The following DNAJC4 variants were observed in gnomAD, a reference collection of about 807,000 sequenced individuals.
The protein encoded by DNAJC4 is DnaJ heat shock protein family (Hsp40) member C4.
A neutral mutation model predicts 26.8 loss-of-function variants in DNAJC4; 26 were observed. That is an observed-to-expected ratio of 0.97 (90% confidence interval 0.71 to 1.34). The LOEUF is 1.34. Among genes scored for constraint, DNAJC4 ranks in the 40% most tolerant of loss-of-function variants. DNAJC4 has a pLI of 0.00. For synonymous variants in DNAJC4, 134 were observed against 127.8 expected, an observed-to-expected ratio of 1.05 and a Z score of -0.33; for missense variants, 342 against 321.1, an observed-to-expected ratio of 1.07 and a Z score of -0.50.
intron 2 of DNAJC4, 43 bp from the exon 3 acceptor site, chr11:64,232,387 G>A (rs986889001): frequency 3.9e-6 from 6 of 1,523,824 alleles, no homozygotes; most frequent in Non-Finnish European, 5.3e-6. Context: ...GTCCTGGGGA[G>A]GGACAGGCAA....
In DNAJC4 at chr11:64,234,247, C is replaced by T. The variant is rs566053942; in HGVS notation, c.*63C>T. 33 of 1,506,500 alleles carry T rather than the reference C, an allele frequency of 2.2e-5. No homozygotes were observed. The Admixed American group carries it at 5.4e-4, about 24-fold the overall frequency. 93.3% of individuals were successfully genotyped at this position (1,506,500 alleles called of 1,614,324 possible). ...TTTGCTTCCTTCCCTGGACGGCCCG[C>T]TCCCCGAAACGCGCGCAATAAAGTG... On this transcript the variant is annotated 3_prime_UTR_variant, in exon 6 of 6. Transcript: ENST00000628077. The surrounding 1 kb of genome is among the most constrained non-coding windows in gnomAD (Gnocchi z 5.3).
intron 1 of DNAJC4, chr11:64,231,393 G>A (rs1051723936): frequency 2.3e-5 from 5 of 219,068 alleles, no homozygotes; most frequent in Admixed American, 5.6e-5. Flanking sequence ...CCAGGCTGGA[G>A]TGCAATGGAG....
rs1947216770 is a variant in DNAJC4 at position 64,234,238 on chromosome 11, G to C, written c.*54G>C. The C allele has an allele frequency of 5.3e-6, 8 of 1,518,714 alleles. No homozygotes were observed. The highest frequency in any genetic ancestry group is 7.0e-6 in the Non-Finnish European group (8 of 1,136,706). 94.1% of individuals were successfully genotyped at this position (1,518,714 alleles called of 1,614,324 possible). On this transcript the variant is annotated 3_prime_UTR_variant, in exon 6 of 6. Coordinates refer to ENST00000628077, the MANE Select transcript of DNAJC4 (RefSeq NM_005528.4). The surrounding 1 kb of genome is among the most constrained non-coding windows in gnomAD (Gnocchi z 5.3). ...CGTTCCCGCTTTGCTTCCTTCCCTG[G>C]ACGGCCCGCTCCCCGAAACGCGCGC...
rs774268184 is a variant in DNAJC4 at position 64,230,626 on chromosome 11, C to G, written c.-229C>G. On this transcript the variant is annotated 5_prime_UTR_variant, in exon 1 of 6. Coordinates refer to ENST00000628077, the MANE Select transcript of DNAJC4 (RefSeq NM_005528.4). The stretch of plus-strand genomic sequence containing the variant: ...CTGGCTGGGTGGCCAGACCCCGAAG[C>G]CAGCGCTGGGAAGGGCTGCGGATGC... The G allele has an allele frequency of 1.2e-5, 8 of 649,430 alleles. No individual in the cohort carries two copies. Among genetic ancestry groups the G allele is most frequent in the Non-Finnish European group, 2.1e-5 (8 of 373,958 alleles). The allele number at this position is 649,430 out of a possible 1,614,324, so 40.2% of individuals were successfully genotyped here.
chr11:64,233,891 C>T lies in DNAJC4; in HGVS notation c.528-3C>T, dbSNP rs772198444. On this transcript the variant is annotated splice_polypyrimidine_tract_variant and splice_region_variant and intron_variant, in intron 4 of 5. Coordinates refer to ENST00000628077, the MANE Select transcript of DNAJC4 (RefSeq NM_005528.4). ...TCCCAGGGTTAATTGTGACCCATTG[C>T]AGGAAGGTGAAGCAGATGCACCTTA... 5.0e-6 allele frequency: 8 copies of T among 1,612,400 alleles called. No homozygotes were observed. In the South Asian group the frequency reaches 8.8e-5, roughly 18 times the overall value.
intron 1 of DNAJC4, 178 bp from the exon 2 acceptor site, chr11:64,231,693 C>T: frequency 1.7e-6 from 1 of 580,662 alleles, no homozygotes; most frequent in Non-Finnish European, 3.1e-6. Context: ...AAATCCTGAC[C>T]TGCACTATGC....
At position 64,232,500 on chromosome 11, in the gene DNAJC4, G is replaced by A. The variant is rs750657148; in HGVS notation, c.251G>A (p.Arg84His). Residue 84 changes from arginine (R) to histidine (H), a missense_variant, in exon 3 of 6, where the codon CGT becomes CAT. Transcript: ENST00000628077. ...SRFVELSEAYRVLSREQSRRS... is the reference protein window; with the variant it reads ...SRFVELSEAYHVLSREQSRRS... ...TTTGTGGAGCTGAGCGAGGCATACC[G>A]TGTGCTCAGCCGTGAGCAGAGCCGC... 1.1e-5 allele frequency: 17 copies of A among 1,612,652 alleles called. No homozygotes were observed. The highest frequency in any genetic ancestry group is 1.0e-4 in the Admixed American group (6 of 59,946).
intron 4 of DNAJC4, 125 bp downstream of exon 4, chr11:64,232,990 C>A: frequency 8.3e-7 from 1 of 1,199,730 alleles, no homozygotes; most frequent in Non-Finnish European, 1.1e-6. Context: ...CTAAGAGCTG[C>A]TTGAAGTTGG....
Position 64,234,148 on chromosome 11 carries a change from AGGCCCCGAGATCGTGCCCCGGGGC to A in DNAJC4, c.692_715del (p.Gly231_Gly238del). On this transcript the variant is annotated inframe_deletion, in exon 6 of 6. Transcript: ENST00000628077. The surrounding 1 kb of genome is among the most constrained non-coding windows in gnomAD (Gnocchi z 5.3). ...AGCCGCCACCATCCGAGCCAACCCAAGGCCCCGAGATCGTGCCCCGGGGCGCCGGCCCCTGAGGGGCTCACCTGG... is the reference window on the plus strand; with the variant it reads ...AGCCGCCACCATCCGAGCCAACCCAAGCCGGCCCCTGAGGGGCTCACCTGG... The A allele has an allele frequency of 6.3e-7, 1 of 1,592,232 alleles. No homozygotes were observed. The highest frequency in any genetic ancestry group is 8.5e-7 in the Non-Finnish European group (1 of 1,171,650).
Position 64,234,127 on chromosome 11 carries a change from G to A in DNAJC4, c.669G>A (p.Pro223=), listed in dbSNP as rs1346732454. ...QERQRLGQRQ[P]PPSEPTQGPE... is the part of the protein sequence containing the mutation. ...GACAACGGCTAGGGCAGCGGCAGCC[G>A]CCACCATCCGAGCCAACCCAAGGCC... The change falls in exon 6 of 6, where the codon CCG becomes CCA. Residue 223 remains proline (P), a synonymous_variant. Coordinates refer to ENST00000628077, the MANE Select transcript of DNAJC4 (RefSeq NM_005528.4). This position sits in a 1 kb window ranked among gnomAD's most constrained non-coding sequence, Gnocchi z 5.3. 7 of 1,597,878 alleles carry A rather than the reference G, an allele frequency of 4.4e-6. No individual in the cohort carries two copies. The highest frequency in any genetic ancestry group is 5.1e-6 in the Non-Finnish European group (6 of 1,174,530).
Position 64,234,112 on chromosome 11 carries a change from AGG to A in DNAJC4, c.656_657del (p.Gly219AlafsTer53). On this transcript the variant is annotated frameshift_variant, in exon 6 of 6. Coordinates refer to ENST00000628077, the MANE Select transcript of DNAJC4 (RefSeq NM_005528.4). LOFTEE classifies it low-confidence loss of function (END_TRUNC). The surrounding 1 kb of genome is among the most constrained non-coding windows in gnomAD (Gnocchi z 5.3). ...GILQQERQRL[G>X]QRQPPPSEPT... ...TCCTTCAGCAGGAGCGACAACGGCT[AGG>A]GCAGCGGCAGCCGCCACCATCCGAG... The A allele has an allele frequency of 4.4e-6, 7 of 1,605,164 alleles. No individual in the cohort carries two copies. The highest frequency in any genetic ancestry group is 5.9e-6 in the Non-Finnish European group (7 of 1,177,390).
intron 4 of DNAJC4, 108 bp from the exon 5 acceptor site, chr11:64,233,786 C>T (rs1291054241): frequency 2.7e-6 from 4 of 1,464,432 alleles, no homozygotes; most frequent in Non-Finnish European, 2.8e-6. Context: ...GGTTCCTAAC[C>T]CTGTGTAAGG....
Position 64,230,812 on chromosome 11 carries a change from T to A in DNAJC4, c.-43T>A, listed in dbSNP as rs1346127809. ...GAAGTCTAGCCCCATCCTGGTCCAA[T>A]GCGCTCTTGGTAGCCTCCTTTCCCA... On this transcript the variant is annotated 5_prime_UTR_variant, in exon 1 of 6. The change abolishes an upstream ATG in the 5' untranslated region. Transcript: ENST00000628077. The A allele has an allele frequency of 6.5e-5, 103 of 1,576,576 alleles. No individual in the cohort carries two copies. The highest frequency in any genetic ancestry group is 8.5e-5 in the Non-Finnish European group (99 of 1,163,494).
In DNAJC4 at chr11:64,230,708, C is replaced by T; in HGVS notation, c.-147C>T. ...ACGCGGGTCTGGTCCTGGGCAAGAA[C>T]CGCCCCCTCTCCGGGCCTGCTTCAG... On this transcript the variant is annotated 5_prime_UTR_variant, in exon 1 of 6. Coordinates refer to ENST00000628077, the MANE Select transcript of DNAJC4 (RefSeq NM_005528.4). The T allele has an allele frequency of 8.8e-7, 1 of 1,135,664 alleles. No homozygotes were observed. The highest frequency in any genetic ancestry group is 1.3e-6 in the Non-Finnish European group (1 of 792,350). The allele number at this position is 1,135,664 out of a possible 1,614,324, so 70.3% of individuals were successfully genotyped here.
intron 4 of DNAJC4, 107 bp downstream of exon 4, chr11:64,232,972 C>A (rs768430561): frequency 7.6e-5 from 101 of 1,327,336 alleles, no homozygotes; most frequent in Non-Finnish European, 9.5e-5. Flanking sequence ...ACTCTTGTGT[C>A]TCTCAAGCTA....
rs2135003630 is a variant in DNAJC4 at position 64,231,388 on chromosome 11, C to G, written c.86+448C>G. On this transcript the variant is annotated intron_variant, in intron 1 of 5. Transcript: ENST00000628077. ...GATGGAGTTTCGCTCGTTGCCCAGG[C>G]TGGAGTGCAATGGAGCAATCTCGGC... 5 of 212,690 alleles carry G rather than the reference C, an allele frequency of 2.4e-5. No individual in the cohort carries two copies. In the South Asian group the frequency reaches 2.5e-4, roughly 11 times the overall value. 13.2% of individuals were successfully genotyped at this position (212,690 alleles called of 1,614,324 possible).
Position 64,230,905 on chromosome 11 carries a change from T to C in DNAJC4, c.51T>C (p.Pro17=). 1 of 1,586,774 alleles carries C rather than the reference T, an allele frequency of 6.3e-7. No homozygotes were observed. ...LRLCRLWPRN[P]PSRLLGAAAG... ...TGTGCCGGCTGTGGCCCCGCAACCC[T>C]CCCTCCCGGCTCCTCGGAGCGGCCG... Residue 17 remains proline, a synonymous_variant, in exon 1 of 6, where the codon CCT becomes CCC. Coordinates refer to ENST00000628077, the MANE Select transcript of DNAJC4 (RefSeq NM_005528.4).
chr11:64,232,975 T>C, intron 4 of DNAJC4, 110 bp downstream of exon 4: 1 of 1,312,948 alleles, frequency 7.6e-7, no homozygotes, highest in Non-Finnish European at 1.0e-6. Flanking sequence ...CTTGTGTCTC[T>C]CAAGCTAAGA....
rs1490007860 is a variant in DNAJC4, at chr11:64,234,263, C to A, written c.*79C>A. 8.3e-5 allele frequency: 123 copies of A among 1,481,244 alleles called. No individual in the cohort carries two copies. Among genetic ancestry groups the A allele is most frequent in the Non-Finnish European group, 1.1e-4 (120 of 1,111,672 alleles). 91.8% of individuals were successfully genotyped at this position (1,481,244 alleles called of 1,614,324 possible). A position where few individuals can be genotyped will look rare whatever the true frequency, so the allele number is the denominator to read the frequency against. ...GACGGCCCGCTCCCCGAAACGCGCG[C>A]AATAAAGTGATTCGCAGAGCTCGTG... is the stretch of plus-strand genomic sequence containing the variant. On this transcript the variant is annotated 3_prime_UTR_variant, in exon 6 of 6. Coordinates refer to ENST00000628077, the MANE Select transcript of DNAJC4 (RefSeq NM_005528.4). The surrounding 1 kb of genome is among the most constrained non-coding windows in gnomAD (Gnocchi z 5.3).
Sources: allele counts gnomAD v4.1 joint callset, GRCh38; gene constraint gnomAD v4.1.1; non-coding constraint Gnocchi (gnomAD v3.1); transcripts MANE v1.5; gene names NCBI Gene and HGNC (gene_info 2026-07-23, HGNC 2026-07-21).